Variants in RALYL observed in about 807,000 individuals in gnomAD.
RALYL encodes RALY RNA binding protein like.
Under a neutral mutation model 35.1 loss-of-function variants are expected in RALYL, and 29 were observed. That is an observed-to-expected ratio of 0.83 (90% CI 0.61 to 1.13). RALYL has a LOEUF of 1.13. Among genes scored for constraint, RALYL ranks in the 50% most tolerant of loss-of-function variants. RALYL has a pLI of 0.00. For missense variants in RALYL, 359 were observed against 360.4 expected (o/e 1.00, Z 0.03); for synonymous variants, 120 against 127.6 (o/e 0.94, Z 0.40).
intron 6 of RALYL, among the ~76,000 whole-genome samples, chr8:84,871,534 C>G (rs578240428): frequency 1.3e-5 from 2 of 152,110 alleles, no homozygotes; most frequent in Non-Finnish European, 2.9e-5. Context: ...ATGAGTACCA[C>G]TCTTCAAAGC....
In RALYL at chr8:84,522,246, G is replaced by C. The variant is rs1203837610; in HGVS notation, c.-23-7053G>C. Among the ~76,000 whole-genome samples the C allele has an allele frequency of 2.2e-5, 3 of 134,310 alleles. No homozygotes were observed. The East Asian group carries it at 6.8e-4, about 30-fold the overall frequency. The allele number at this position is 134,310 out of a possible 152,430, so 88.1% of individuals were successfully genotyped here. ...GCTTTATACACAAAATGATAGAAAGGAAATTTTTTTTTTTTTTTTTTGAGA... is the reference window on the plus strand; with the variant it reads ...GCTTTATACACAAAATGATAGAAAGCAAATTTTTTTTTTTTTTTTTTGAGA... On this transcript the variant is annotated intron_variant, in intron 1 of 8. Transcript: ENST00000521268.
chr8:84,256,814 G>A (rs1433463221), intron 1 of RALYL, among the ~76,000 whole-genome samples: 1 of 152,056 alleles, frequency 6.6e-6, no homozygotes, highest in Non-Finnish European at 1.5e-5. Flanking sequence ...GTAGAAAGAG[G>A]TTAAGTAATT....
At chr8:84,527,714 C>A (rs1022505902) in intron 1 of RALYL, among the ~76,000 whole-genome samples, 3 of 152,066 alleles carry the variant, frequency 2.0e-5, no homozygotes, top group Non-Finnish European at 4.4e-5. Context: ...ATCAACTTTT[C>A]TTTCTTCAAC....
intron 1 of RALYL, among the ~76,000 whole-genome samples, chr8:84,337,101 A>C (rs1847940838): frequency 6.6e-6 from 1 of 151,382 alleles, no homozygotes; most frequent in Non-Finnish European, 1.5e-5. Context: ...AAAAGGGTTA[A>C]TCAAATTATT....
Position 84,418,354 on chromosome 8 carries a change from C to T in RALYL, c.-23-110945C>T, listed in dbSNP as rs530267282. ...TGGAAATAAAATGAAATAATTCATA[C>T]GAATACCCTGGCACATATTAGGTAC... On this transcript the variant is annotated intron_variant, in intron 1 of 8. Coordinates refer to ENST00000521268, the MANE Select transcript of RALYL (RefSeq NM_173848.7). Among the ~76,000 whole-genome samples, 17 of 152,120 alleles carry T rather than the reference C, an allele frequency of 1.1e-4. No homozygotes were observed. In the South Asian group the frequency reaches 1.5e-3, roughly 13 times the overall value.
chr8:84,823,552 T>C (rs1292525199), intron 4 of RALYL, among the ~76,000 whole-genome samples: 3 of 152,116 alleles, frequency 2.0e-5, no homozygotes, highest in Non-Finnish European at 2.9e-5. Flanking sequence ...AATTAAACAA[T>C]GACTATATCA....
chr8:84,227,765 T>A (rs1180038639), intron 1 of RALYL, among the ~76,000 whole-genome samples: 1 of 152,140 alleles, frequency 6.6e-6, no homozygotes, highest in Non-Finnish European at 1.5e-5. Flanking sequence ...TAGTTATGGG[T>A]AATTAGGTAC....
chr8:84,309,141 TA>T (rs1842315297), intron 1 of RALYL, among the ~76,000 whole-genome samples: 4 of 151,460 alleles, frequency 2.6e-5, no homozygotes, highest in East Asian at 3.9e-4. Flanking sequence ...TTATTATAAG[TA>T]AAAAACTTTA....
At chr8:84,769,103 G>A (rs1814801143) in intron 2 of RALYL, among the ~76,000 whole-genome samples, 1 of 152,150 alleles carries the variant, frequency 6.6e-6, no homozygotes, top group African/African-American at 2.4e-5. Context: ...ATATATAAAA[G>A]ATGTCTGATG....
chr8:84,229,427 A>G (rs1824794901), intron 1 of RALYL, among the ~76,000 whole-genome samples: 1 of 152,206 alleles, frequency 6.6e-6, no homozygotes, highest in Non-Finnish European at 1.5e-5. Flanking sequence ...CCAGAGGGTA[A>G]TACATATTAA....
intron 3 of RALYL, among the ~76,000 whole-genome samples, chr8:84,800,575 A>G (rs941170952): frequency 6.6e-6 from 1 of 152,146 alleles, no homozygotes; most frequent in African/African-American, 2.4e-5. Flanking sequence ...TCCTAATTCT[A>G]GTGGGTCCTG....
At chr8:84,241,560 G>A (rs1459149135) in intron 1 of RALYL, among the ~76,000 whole-genome samples, 3 of 151,724 alleles carry the variant, frequency 2.0e-5, no homozygotes, top group East Asian at 1.9e-4. Context: ...GGCAGATCAC[G>A]AGGTCAAGAG....
At chr8:84,894,359 G>A (rs1243329265) in intron 8 of RALYL, among the ~76,000 whole-genome samples, 2 of 152,182 alleles carry the variant, frequency 1.3e-5, no homozygotes, top group Admixed American at 6.6e-5. Context: ...AGTTGGAATT[G>A]TAAATTACAA....
chr8:84,785,654 T>A (rs979742005), intron 3 of RALYL, among the ~76,000 whole-genome samples: 3 of 152,182 alleles, frequency 2.0e-5, no homozygotes, highest in Non-Finnish European at 4.4e-5. Flanking sequence ...AAAAATTAAA[T>A]TTTTCCAAGA....
At chr8:84,453,207 C>CAT (rs1208997735) in intron 1 of RALYL, among the ~76,000 whole-genome samples, 13 of 151,770 alleles carry the variant, frequency 8.6e-5, no homozygotes, top group Admixed American at 2.6e-4. Flanking sequence ...TATATATAAA[C>CAT]ATATACATAT....
chr8:84,412,082 A>G (rs1278716006), intron 1 of RALYL, among the ~76,000 whole-genome samples: 1 of 151,988 alleles, frequency 6.6e-6, no homozygotes, highest in African/African-American at 2.4e-5. Flanking sequence ...TCTAAAATTC[A>G]TTATTTCAGC....
chr8:84,646,497 T>C (rs1303530540), intron 2 of RALYL, among the ~76,000 whole-genome samples: 2 of 152,054 alleles, frequency 1.3e-5, no homozygotes, highest in East Asian at 1.9e-4. Context: ...TGGTTGGTTT[T>C]ATGGGAAAAA....
intron 1 of RALYL, among the ~76,000 whole-genome samples, chr8:84,466,862 T>C (rs1426033594): frequency 2.6e-5 from 4 of 151,166 alleles, no homozygotes. Context: ...CTTCCTGGTT[T>C]AGTCTTGGGA....
intron 1 of RALYL, among the ~76,000 whole-genome samples, chr8:84,314,254 T>C (rs529006579): frequency 6.6e-6 from 1 of 152,096 alleles, no homozygotes; most frequent in South Asian, 2.1e-4. Flanking sequence ...CCTTGACACG[T>C]AGGGATTATA....
Sources: gnomAD v4.1 joint callset for allele counts (sites outside exome capture counted in the v4.1 genomes callset) on GRCh38, gnomAD v4.1.1 for gene constraint, MANE v1.5 for transcripts, NCBI Gene and HGNC (gene_info 2026-07-23, HGNC 2026-07-21) for gene names.